Variants in CLMP observed in about 807,000 individuals in gnomAD.
CLMP encodes CXADR-like membrane protein.
A neutral mutation model predicts 45.2 loss-of-function variants in CLMP; 27 were observed. The ratio of observed to expected loss-of-function variants is 0.60; its 90% confidence interval spans 0.44 to 0.82. The LOEUF is 0.82. CLMP is among the 40% of genes least tolerant of loss of function. The pLI is 0.00. For synonymous variants in CLMP, 167 were observed against 171.4 expected (o/e 0.97, Z 0.20); for missense variants, 403 against 448.4 (o/e 0.90, Z 0.91).
chr11:123,096,206 T>G (rs1043841885), intron 2 of CLMP, among the ~76,000 whole-genome samples: 8 of 151,960 alleles, frequency 5.3e-5, no homozygotes, highest in African/African-American at 1.9e-4. Flanking sequence ...AAACAAAAAT[T>G]AGCTGGGCGT....
chr11:123,090,994 C>T (rs766061411), intron 2 of CLMP, among the ~76,000 whole-genome samples: 1 of 152,172 alleles, frequency 6.6e-6, no homozygotes, highest in Non-Finnish European at 1.5e-5. Context: ...CCAAAAAATG[C>T]TTGCTAAGTC....
At chr11:123,191,517 T>C (rs1262706280) in intron 1 of CLMP, 2 of 152,252 alleles carry the variant, frequency 1.3e-5, no homozygotes, top group Non-Finnish European at 2.9e-5. Context: ...CTATTTTTAA[T>C]CTGGTACTAG....
intron 2 of CLMP, among the ~76,000 whole-genome samples, chr11:123,085,595 TAAAA>T (rs35921171): frequency 0.029 from 2,414 of 82,104 alleles, 55 homozygotes; most frequent in East Asian, 0.21. Context: ...GCTACAAAGA[TAAAA>T]AAAAAAAAAA....
rs1250034256 is a variant in CLMP, at chr11:123,150,561, A to AAAGGAAGG, written c.28+44344_28+44351dup. 4.1e-5 allele frequency among the ~76,000 whole-genome samples: 5 copies of AAAGGAAGG among 120,772 alleles called. 1 individual carries two copies. The highest frequency in any genetic ancestry group is 1.8e-4 in the African/African-American group (5 of 28,476). 79.2% of individuals were successfully genotyped at this position (120,772 alleles called of 152,430 possible). A position where few individuals can be genotyped will look rare whatever the true frequency, so the allele number is the denominator to read the frequency against. ...CAAGCAAGGAAGGAAGGAAGGAAGG[A>AAAGGAAGG]AAGGAAGGAAGGAAGGAAGGAAAGG... is the stretch of plus-strand genomic sequence containing the variant. On this transcript the variant is annotated intron_variant, in intron 1 of 6. Coordinates refer to ENST00000448775, the MANE Select transcript of CLMP (RefSeq NM_024769.5).
chr11:123,073,307 T>G lies in CLMP; in HGVS notation c.*167A>C. ...ATCAGCTTACATCCTTTTGCTTGTT[T>G]GGTATTGTATAAGGAAAATGCTCAT... is the stretch of plus-strand genomic sequence containing the variant. On this transcript the variant is annotated 3_prime_UTR_variant, in exon 7 of 7. Coordinates refer to ENST00000448775, the MANE Select transcript of CLMP (RefSeq NM_024769.5). 4 of 728,494 alleles carry G rather than the reference T, an allele frequency of 5.5e-6. No homozygotes were observed. Among genetic ancestry groups the G allele is most frequent in the Non-Finnish European group, 8.8e-6 (4 of 454,302 alleles). The allele number at this position is 728,494 out of a possible 1,614,324, so 45.1% of individuals were successfully genotyped here.
Position 123,194,921 on chromosome 11 carries a change from A to T in CLMP, c.20T>A (p.Leu7His), listed in dbSNP as rs757750315. 1 of 1,613,144 alleles carries T rather than the reference A, an allele frequency of 6.2e-7. No homozygotes were observed. The highest frequency in any genetic ancestry group is 8.5e-7 in the Non-Finnish European group (1 of 1,179,588). The part of the protein sequence containing the change: MSLLLL[L>H]LLVSYYVGTL... ...CTCCCAGAGGCACTCACCTAGCAAGAGGAGAAGGAGGAGGGACATCCCGAT... is the reference window on the plus strand; with the variant it reads ...CTCCCAGAGGCACTCACCTAGCAAGTGGAGAAGGAGGAGGGACATCCCGAT... Residue 7 changes from leucine (L) to histidine (H), a missense_variant, in exon 1 of 7, where the codon CTC (leucine) becomes CAC (histidine). Leu to His is a moderately conservative substitution (Grantham distance 99). Coordinates refer to ENST00000448775, the MANE Select transcript of CLMP (RefSeq NM_024769.5).
intron 1 of CLMP, chr11:123,136,041 C>G: frequency 3.4e-6 from 2 of 589,454 alleles, no homozygotes; most frequent in South Asian, 1.4e-5. Flanking sequence ...TTTGTTCGCT[C>G]GTTTCTTCAT....
chr11:123,106,550 A>G (rs967636861), intron 1 of CLMP, among the ~76,000 whole-genome samples: 32 of 152,152 alleles, frequency 2.1e-4, no homozygotes, highest in African/African-American at 7.7e-4. Context: ...GGACTTGAGT[A>G]GTGGCTGTAA....
At chr11:123,093,697 G>C (rs1865959210) in intron 2 of CLMP, among the ~76,000 whole-genome samples, 1 of 145,300 alleles carries the variant, frequency 6.9e-6, no homozygotes, top group African/African-American at 2.6e-5. Flanking sequence ...AAGAAGTGTA[G>C]TGTTGAGACT....
At chr11:123,142,621 C>CTT (rs71057336) in intron 1 of CLMP, among the ~76,000 whole-genome samples, 3,354 of 123,206 alleles carry the variant, frequency 0.027, 269 homozygotes, top group African/African-American at 0.1. Flanking sequence ...GATGAGGTTT[C>CTT]TTTTTTTTTT....
chr11:123,152,367 CA>C (rs538114265), intron 1 of CLMP, among the ~76,000 whole-genome samples: 288 of 151,834 alleles, frequency 1.9e-3, no homozygotes, highest in Non-Finnish European at 3.4e-3. Context: ...ACTAAAAATA[CA>C]AAAATGTAGC....
intron 2 of CLMP, among the ~76,000 whole-genome samples, chr11:123,090,314 C>T (rs975948582): frequency 2.0e-5 from 3 of 149,642 alleles, no homozygotes; most frequent in African/African-American, 4.9e-5. Flanking sequence ...AATAGCTGGG[C>T]GTGGTGGCAT....
chr11:123,182,636 C>G (rs1201305803), intron 1 of CLMP, among the ~76,000 whole-genome samples: 1 of 152,172 alleles, frequency 6.6e-6, no homozygotes, highest in East Asian at 1.9e-4. Context: ...TCTGAATCCT[C>G]AGGCCCAAGA....
At chr11:123,077,719 G>A (rs1014517045) in intron 5 of CLMP, among the ~76,000 whole-genome samples, 1 of 152,186 alleles carries the variant, frequency 6.6e-6, no homozygotes, top group African/African-American at 2.4e-5. Flanking sequence ...TCAAATAGAG[G>A]ATGCTGTTTT....
At chr11:123,175,802 T>A (rs542630240) in intron 1 of CLMP, among the ~76,000 whole-genome samples, 1 of 152,322 alleles carries the variant, frequency 6.6e-6, no homozygotes, top group African/African-American at 2.4e-5. Context: ...GTCATCTAGA[T>A]CCTGCATAGA....
chr11:123,143,521 CG>C (rs58159601), intron 1 of CLMP, among the ~76,000 whole-genome samples: 67 of 144,786 alleles, frequency 4.6e-4, no homozygotes, highest in Middle Eastern at 3.5e-3. Context: ...CTATGGGGGG[CG>C]GGGGGGGCAT....
At chr11:123,110,790 G>C (rs949540102) in intron 1 of CLMP, among the ~76,000 whole-genome samples, 1 of 152,170 alleles carries the variant, frequency 6.6e-6, no homozygotes, top group African/African-American at 2.4e-5. Flanking sequence ...TGAGGGAAAG[G>C]AAGGAAAGGG....
intron 1 of CLMP, among the ~76,000 whole-genome samples, chr11:123,140,872 G>T (rs1424921560): frequency 1.3e-5 from 2 of 152,162 alleles, no homozygotes; most frequent in Non-Finnish European, 2.9e-5. Context: ...AGTGGGAGAT[G>T]TTTGGGTCTT....
At chr11:123,180,921 A>G (rs1861760129) in intron 1 of CLMP, among the ~76,000 whole-genome samples, 3 of 152,170 alleles carry the variant, frequency 2.0e-5, no homozygotes. Context: ...GAAGGTCTCT[A>G]TTCTTAGTGA....
Sources: gnomAD v4.1 joint callset for allele counts (sites outside exome capture counted in the v4.1 genomes callset) on GRCh38, gnomAD v4.1.1 for gene constraint, MANE v1.5 for transcripts, NCBI Gene and HGNC (gene_info 2026-07-23, HGNC 2026-07-21) for gene names.